Variants in PRKN observed in about 807,000 individuals in gnomAD.
The protein encoded by PRKN is E3 ubiquitin-protein ligase parkin.
In PRKN, 56 loss-of-function variants were observed where a neutral mutation model predicts 59.5. The ratio of observed to expected loss-of-function variants is 0.94; its 90% CI spans 0.76 to 1.18. The LOEUF (loss-of-function observed/expected upper bound fraction) is 1.18, where lower values mean the gene tolerates loss of function less well. Among genes scored for constraint, PRKN ranks in the 50% most tolerant of loss-of-function variants. The pLI is 0.00. For missense variants in PRKN, 657 were observed against 596.4 expected, an observed-to-expected ratio of 1.10 and a Z score of -1.06; for synonymous variants, 250 against 222.1, an observed-to-expected ratio of 1.13 and a Z score of -1.12.
At chr6:162,419,834 A>G (rs1788861278) in intron 2 of PRKN, among the ~76,000 whole-genome samples, 1 of 152,050 alleles carries the variant, frequency 6.6e-6, no homozygotes, top group Admixed American at 6.6e-5. Context: ...AGAGAGAACC[A>G]TTTTAGAAAG....
chr6:162,666,483 A>G (rs910710536), intron 1 of PRKN, among the ~76,000 whole-genome samples: 4 of 152,156 alleles, frequency 2.6e-5, no homozygotes, highest in African/African-American at 9.6e-5. Flanking sequence ...ATCTCCACAG[A>G]GCGCTAAGAT....
In PRKN at chr6:161,350,010, G is replaced by A; in HGVS notation, c.*89C>T. The A allele has an allele frequency of 1.1e-6, 1 of 873,676 alleles. No homozygotes were observed. The highest frequency in any genetic ancestry group is 1.9e-6 in the Non-Finnish European group (1 of 530,722). 54.1% of individuals were successfully genotyped at this position (873,676 alleles called of 1,614,324 possible). ...TGTGTGTGCGCGCGCGCGCGTGTGT[G>A]TGTGTGTTTGAAAAGAGAATTAGAA... is the stretch of plus-strand genomic sequence containing the variant. On this transcript the variant is annotated 3_prime_UTR_variant, in exon 12 of 12. Transcript: ENST00000366898.
rs1353165940 is a variant in PRKN at position 161,549,840 on chromosome 6, G to A, written c.934-837C>T. ...ACTACATTCCAGACTCTATCGAGGC[G>A]CTGGGGATACAGCAGTGAATGAACA... On this transcript the variant is annotated intron_variant, in intron 8 of 11. Coordinates refer to ENST00000366898, the MANE Select transcript of PRKN (RefSeq NM_004562.3). The surrounding 1 kb of genome is among the most constrained non-coding windows in gnomAD (Gnocchi z 6.0). Among the ~76,000 whole-genome samples the A allele has an allele frequency of 3.9e-5, 6 of 152,082 alleles. No individual in the cohort carries two copies. The highest frequency in any genetic ancestry group is 2.1e-4 in the South Asian group (1 of 4,816).
intron 1 of PRKN, among the ~76,000 whole-genome samples, chr6:162,722,715 G>A (rs78213927): frequency 0.01 from 1,528 of 152,210 alleles, 28 homozygotes; most frequent in African/African-American, 0.035. Context: ...AAACTTTGGA[G>A]GTAGGAATGG....
At chr6:161,594,599 G>A (rs565968765) in intron 7 of PRKN, among the ~76,000 whole-genome samples, 20 of 152,268 alleles carry the variant, frequency 1.3e-4, no homozygotes, top group African/African-American at 4.6e-4. Flanking sequence ...CTCATGACAT[G>A]AGCCTCTCAT....
chr6:162,093,137 G>A (rs79175184), intron 4 of PRKN, among the ~76,000 whole-genome samples: 13 of 152,242 alleles, frequency 8.5e-5, no homozygotes, highest in African/African-American at 3.1e-4. Context: ...GGCTATCACA[G>A]TAGCCCCAAT....
intron 1 of PRKN, among the ~76,000 whole-genome samples, chr6:162,726,276 TC>T (rs1448845604): frequency 6.6e-6 from 1 of 152,328 alleles, no homozygotes; most frequent in East Asian, 1.9e-4. Flanking sequence ...TTAACTGTCT[TC>T]AAAATAAGGT....
intron 6 of PRKN, among the ~76,000 whole-genome samples, chr6:161,881,441 G>C (rs930865658): frequency 2.0e-5 from 3 of 152,154 alleles, no homozygotes; most frequent in African/African-American, 7.2e-5. Context: ...TTTCCTGAGT[G>C]GGGCTGAGTG....
chr6:161,622,972 T>C (rs937806371), intron 7 of PRKN, among the ~76,000 whole-genome samples: 5 of 152,220 alleles, frequency 3.3e-5, no homozygotes, highest in African/African-American at 1.2e-4. Flanking sequence ...CAAAAGCATA[T>C]CTGAGTTGGC....
At chr6:161,517,029 T>G (rs1421914287) in intron 9 of PRKN, among the ~76,000 whole-genome samples, 1 of 152,122 alleles carries the variant, frequency 6.6e-6, no homozygotes, top group African/African-American at 2.4e-5. Flanking sequence ...TATAGTATTA[T>G]AGAGTTTATA....
chr6:161,910,774 A>G (rs1022309635), intron 6 of PRKN, among the ~76,000 whole-genome samples: 2 of 152,216 alleles, frequency 1.3e-5, no homozygotes, highest in Non-Finnish European at 2.9e-5. Context: ...ACAGCTGCCC[A>G]AACAATTTGG....
intron 1 of PRKN, among the ~76,000 whole-genome samples, chr6:162,673,683 G>A (rs1291259238): frequency 6.6e-6 from 1 of 152,144 alleles, no homozygotes; most frequent in Non-Finnish European, 1.5e-5. Context: ...AACACGCCCA[G>A]CCTAGATTTT....
intron 4 of PRKN, among the ~76,000 whole-genome samples, chr6:162,086,155 C>A (rs1779238691): frequency 6.6e-6 from 1 of 152,162 alleles, no homozygotes; most frequent in Non-Finnish European, 1.5e-5. Context: ...ATCCTATTAA[C>A]AAATGATTCT....
chr6:162,610,588 G>T, intron 1 of PRKN, among the ~76,000 whole-genome samples: 1 of 152,070 alleles, frequency 6.6e-6, no homozygotes, highest in East Asian at 1.9e-4. Context: ...AAGTAAGATG[G>T]GTTTGCAAAG....
Position 162,155,370 on chromosome 6 carries a change from T to C in PRKN, c.534+45761A>G, listed in dbSNP as rs184533085. 3.5e-3 allele frequency among the ~76,000 whole-genome samples: 536 copies of C among 152,314 alleles called. 4 individuals are homozygous for C. The highest frequency in any genetic ancestry group is 0.012 in the African/African-American group (508 of 41,572). Reference sequence around the variant, plus strand: ...GGCAAATTAATCCTGATTCGTCTAATACAAGTTTATTACATCAAAATCCCT... The same window carrying C: ...GGCAAATTAATCCTGATTCGTCTAACACAAGTTTATTACATCAAAATCCCT... On this transcript the variant is annotated intron_variant, in intron 4 of 11. Transcript: ENST00000366898.
chr6:161,821,719 C>CTTTTTTTT lies in PRKN; in HGVS notation c.735-35819_735-35812dup, dbSNP rs531807176. Among the ~76,000 whole-genome samples, 33 of 64,696 alleles carry CTTTTTTTT rather than the reference C, an allele frequency of 5.1e-4. 3 individuals are homozygous for CTTTTTTTT. Among genetic ancestry groups the CTTTTTTTT allele is most frequent in the East Asian group, 1.0e-3 (2 of 1,942 alleles). 42.4% of individuals were successfully genotyped at this position (64,696 alleles called of 152,430 possible). On this transcript the variant is annotated intron_variant, in intron 6 of 11. Transcript: ENST00000366898. The stretch of plus-strand genomic sequence containing the variant: ...TTTGGAAAATATTTCCACTGGTGTT[C>CTTTTTTTT]TTTTTTTTTTTTTTTTTTTTTTTTT...
chr6:161,656,705 A>G (rs1784363813), intron 7 of PRKN, among the ~76,000 whole-genome samples: 1 of 152,130 alleles, frequency 6.6e-6, no homozygotes, highest in South Asian at 2.1e-4. Flanking sequence ...TCTGAACTTG[A>G]TCAAGTAGCT....
chr6:161,733,777 AAAAAAAATAT>A (rs201986851), intron 7 of PRKN, among the ~76,000 whole-genome samples: 1,451 of 82,890 alleles, frequency 0.018, 53 homozygotes, highest in African/African-American at 0.12. Context: ...GGTGAAAAAA[AAAAAAAATAT>A]ATATATATAT....
intron 4 of PRKN, among the ~76,000 whole-genome samples, chr6:162,061,409 G>A (rs1230390233): frequency 1.3e-5 from 2 of 152,158 alleles, no homozygotes; most frequent in Non-Finnish European, 2.9e-5. Flanking sequence ...AGTAAAAACT[G>A]AGCAGTAAGA....
Sources: gnomAD v4.1 joint callset for allele counts (sites outside exome capture counted in the v4.1 genomes callset) on GRCh38, gnomAD v4.1.1 for gene constraint, Gnocchi (gnomAD v3.1) non-coding constraint, MANE v1.5 for transcripts, NCBI Gene and HGNC (gene_info 2026-07-23, HGNC 2026-07-21) for gene names.